The following SYCP2 variants were observed in gnomAD, a reference collection of about 807,000 sequenced individuals.
SYCP2 encodes synaptonemal complex lateral element protein.
SYCP2 carries 55 observed loss-of-function variants against 211.3 expected under a neutral mutation model. The ratio of observed to expected loss-of-function variants is 0.26; its 90% confidence interval spans 0.21 to 0.33. SYCP2 has a LOEUF of 0.33. Ranked by LOEUF, SYCP2 falls within the 10% of genes least tolerant of loss-of-function variation. SYCP2 has a pLI of 1.00. For synonymous variants in SYCP2, 570 were observed against 555.2 expected, an observed-to-expected ratio of 1.03 and a Z score of -0.37; for missense variants, 1,731 against 1,752.0, an observed-to-expected ratio of 0.99 and a Z score of 0.21.
In SYCP2 at chr20:59,868,854, A is replaced by G; in HGVS notation, c.3813T>C (p.Cys1271=). Reference sequence around the variant, plus strand: ...ACAAACCTGATACATGAGTAGCATCACAGGGCATGTCAAACCACGTTTTCT... The same window carrying G: ...ACAAACCTGATACATGAGTAGCATCGCAGGGCATGTCAAACCACGTTTTCT... ...GREKTWFDMP[C]DATHVSGPTQ... The change falls in exon 37 of 45, where the codon TGT becomes TGC. Residue 1271 remains cysteine (C), a synonymous_variant. Coordinates refer to ENST00000357552, the MANE Select transcript of SYCP2 (RefSeq NM_014258.4). The G allele has an allele frequency of 6.2e-7, 1 of 1,609,804 alleles. No individual in the cohort carries two copies.
chr20:59,893,909 T>A (rs764674885), intron 20 of SYCP2, among the ~76,000 whole-genome samples: 1 of 152,080 alleles, frequency 6.6e-6, no homozygotes, highest in Admixed American at 6.6e-5. Flanking sequence ...CTCCTGCTGC[T>A]GTTGATTACA....
intron 14 of SYCP2, among the ~76,000 whole-genome samples, 158 bp from the exon 15 acceptor site, chr20:59,907,582 A>T (rs1440259278): frequency 6.6e-6 from 1 of 152,214 alleles, no homozygotes; most frequent in Non-Finnish European, 1.5e-5. Context: ...AATTAACTAC[A>T]TATTACACAT....
At position 59,864,088 on chromosome 20, in the gene SYCP2, A is replaced by T. The variant is rs972239894; in HGVS notation, c.*223T>A. On this transcript the variant is annotated 3_prime_UTR_variant, in exon 45 of 45. Coordinates refer to ENST00000357552, the MANE Select transcript of SYCP2 (RefSeq NM_014258.4). ...TCTTAAAGCTTTTATCTCCAAAATTAAAAAAAAATATTGTATAGACAGAAG... is the reference window on the plus strand; with the variant it reads ...TCTTAAAGCTTTTATCTCCAAAATTTAAAAAAAATATTGTATAGACAGAAG... 119 of 272,768 alleles carry T rather than the reference A, an allele frequency of 4.4e-4. No homozygotes were observed. Among genetic ancestry groups the T allele is most frequent in the Non-Finnish European group, 1.6e-4 (23 of 142,636 alleles). The allele number at this position is 272,768 out of a possible 1,614,324, so 16.9% of individuals were successfully genotyped here.
intron 14 of SYCP2, among the ~76,000 whole-genome samples, chr20:59,909,765 TATACTC>T (rs1216358487): frequency 2.0e-5 from 3 of 152,238 alleles, no homozygotes; most frequent in Admixed American, 6.5e-5. Flanking sequence ...AAACTAATCT[TATACTC>T]TATGCGGGAA....
At chr20:59,908,460 A>G (rs550732166) in intron 14 of SYCP2, among the ~76,000 whole-genome samples, 1 of 152,266 alleles carries the variant, frequency 6.6e-6, no homozygotes, top group East Asian at 1.9e-4. Context: ...GGAAAGGGAC[A>G]GTATTCTAAG....
chr20:59,868,996 C>G (rs1219947214), intron 36 of SYCP2, 71 bp from the exon 37 acceptor site: 1 of 1,133,536 alleles, frequency 8.8e-7, no homozygotes, highest in African/African-American at 1.6e-5. Flanking sequence ...TCACCTTTCT[C>G]AAACCCAAAA....
At chr20:59,923,058 G>A (rs1381715940) in intron 2 of SYCP2, among the ~76,000 whole-genome samples, 1 of 151,898 alleles carries the variant, frequency 6.6e-6, no homozygotes, top group African/African-American at 2.4e-5. Context: ...TAAAGACCAT[G>A]GGATGCAAAT....
At chr20:59,889,664 A>T (rs900920783) in intron 24 of SYCP2, among the ~76,000 whole-genome samples, 2 of 152,024 alleles carry the variant, frequency 1.3e-5, no homozygotes, top group Non-Finnish European at 2.9e-5. Context: ...CCTTAAGATT[A>T]TCGGAGTGGT....
Position 59,931,662 on chromosome 20 carries a change from T to C in SYCP2, c.-47+400A>G, listed in dbSNP as rs1322718063. ...TTTACAAAATGCCCTGAGACATTAA[T>C]TACAGCACAGAAAAAAGTACAGCCA... On this transcript the variant is annotated intron_variant, in intron 2 of 44. Transcript: ENST00000357552. Among the ~76,000 whole-genome samples, 15 of 152,294 alleles carry C rather than the reference T, an allele frequency of 9.8e-5. No individual in the cohort carries two copies. The South Asian group carries it at 2.3e-3, about 23-fold the overall frequency.
chr20:59,904,742 A>G (rs1428191748), intron 15 of SYCP2, among the ~76,000 whole-genome samples: 1 of 152,140 alleles, frequency 6.6e-6, no homozygotes, highest in African/African-American at 2.4e-5. Flanking sequence ...AAACTTATAA[A>G]AAAAGATTTA....
At chr20:59,865,214 T>A (rs956577246) in intron 44 of SYCP2, among the ~76,000 whole-genome samples, 174 bp downstream of exon 44, 68 of 152,010 alleles carry the variant, frequency 4.5e-4, no homozygotes, top group African/African-American at 1.6e-3. Context: ...AAATTACCCC[T>A]ATTCTTTCAC....
chr20:59,901,054 CTAA>C (rs1031475461), intron 16 of SYCP2, among the ~76,000 whole-genome samples: 2 of 152,044 alleles, frequency 1.3e-5, no homozygotes, highest in African/African-American at 4.8e-5. Context: ...ACAAATACAT[CTAA>C]TATTATGCAA....
intron 1 of SYCP2, among the ~76,000 whole-genome samples, chr20:59,932,895 G>A (rs912634355): frequency 6.6e-6 from 1 of 152,122 alleles, no homozygotes; most frequent in African/African-American, 2.4e-5. Context: ...AAGGCGCCGA[G>A]CAGGAGGAAG....
rs762459745 is a variant in SYCP2, at chr20:59,892,116, T to C, written c.2238A>G (p.Ser746=). ...SLIYRKKYIL[S]KDVNTATCDK... ...CGCAAGTAGCAGTATTCACATCTTT[T>C]GACAATATGTATTTCTTCCTATATA... Residue 746 remains serine, a synonymous_variant, in exon 24 of 45, where the codon TCA becomes TCG. Coordinates refer to ENST00000357552, the MANE Select transcript of SYCP2 (RefSeq NM_014258.4). 3 of 1,612,222 alleles carry C rather than the reference T, an allele frequency of 1.9e-6. No homozygotes were observed. In the African/African-American group the frequency reaches 4.0e-5, roughly 22 times the overall value.
At chr20:59,865,354 A>G in intron 44 of SYCP2, 34 bp downstream of exon 44, 1 of 1,536,428 alleles carries the variant, frequency 6.5e-7, no homozygotes, top group Non-Finnish European at 8.9e-7. Context: ...ACATTAAAGT[A>G]TGATTATCCC....
At position 59,880,403 on chromosome 20, in the gene SYCP2, G is replaced by C; in HGVS notation, c.2841C>G (p.Ser947Arg). 1 of 1,601,724 alleles carries C rather than the reference G, an allele frequency of 6.2e-7. No individual in the cohort carries two copies. Among genetic ancestry groups the C allele is most frequent in the Non-Finnish European group, 8.5e-7 (1 of 1,171,712 alleles). The change falls in exon 31 of 45, where the codon AGC becomes AGG. Residue 947 changes from serine (S) to arginine (R), a missense_variant. This residue lies in a region of SYCP2 where 1,387 missense variants were observed against 1,351.3 expected (regional missense o/e 1.03). Coordinates refer to ENST00000357552, the MANE Select transcript of SYCP2 (RefSeq NM_014258.4). ...CTCTTAGCCAGCTAATATCAGTCTTGCTGTCATCACATCTGTACTCTGTTT... is the reference window on the plus strand; with the variant it reads ...CTCTTAGCCAGCTAATATCAGTCTTCCTGTCATCACATCTGTACTCTGTTT... ...DTETEYRCDD[S>R]KTDISWLREP...
intron 31 of SYCP2, 93 bp from the exon 32 acceptor site, chr20:59,878,138 A>ATAATAAAAAGTAGTAAG: frequency 1.1e-6 from 1 of 921,754 alleles, no homozygotes; most frequent in Non-Finnish European, 1.6e-6. Flanking sequence ...TTAAATTAAA[A>ATAATAAAAAGTAGTAAG]TAATAAAAAG....
chr20:59,906,893 A>G (rs896545650), intron 15 of SYCP2, among the ~76,000 whole-genome samples: 1 of 152,224 alleles, frequency 6.6e-6, no homozygotes, highest in African/African-American at 2.4e-5. Context: ...AAAGCACATG[A>G]AAAAGTGCTC....
At chr20:59,882,281 A>G in intron 26 of SYCP2, 116 bp from the exon 27 acceptor site, 1 of 776,208 alleles carries the variant, frequency 1.3e-6, no homozygotes, top group Non-Finnish European at 2.1e-6. Context: ...ACCTCAGTTA[A>G]AATGGCTTGT....
Sources: allele counts gnomAD v4.1 joint callset (sites outside exome capture counted in the v4.1 genomes callset), GRCh38; gene constraint gnomAD v4.1.1; regional missense constraint gnomAD v4.1.1; transcripts MANE v1.5; gene names NCBI Gene and HGNC (gene_info 2026-07-23, HGNC 2026-07-21).